PDGFRA: variants seen among roughly 807,000 people sequenced by gnomAD.
PDGFRA encodes the protein platelet derived growth factor receptor alpha, also known as platelet-derived growth factor receptor alpha.
In PDGFRA, 25 loss-of-function variants were observed where a neutral mutation model predicts 121.5. The observed-to-expected ratio is 0.21, with a 90% confidence interval of 0.15 to 0.29. PDGFRA has a LOEUF of 0.29. PDGFRA is among the 10% of genes least tolerant of loss of function. PDGFRA has a pLI of 1.00. For missense variants in PDGFRA, 1,008 were observed against 1,345.1 expected, an observed-to-expected ratio of 0.75 and a Z score of 3.92; for synonymous variants, 463 against 494.8, an observed-to-expected ratio of 0.94 and a Z score of 0.85.
At chr4:54,233,692 A>C (rs1187564572) in intron 1 of PDGFRA, among the ~76,000 whole-genome samples, 1 of 142,156 alleles carries the variant, frequency 7.0e-6, no homozygotes, top group Non-Finnish European at 1.5e-5. Context: ...GTTTGGATTG[A>C]GAATGGGACG....
chr4:54,249,395 C>G (rs1044142941), intron 1 of PDGFRA, among the ~76,000 whole-genome samples: 1 of 152,110 alleles, frequency 6.6e-6, no homozygotes, highest in African/African-American at 2.4e-5. Context: ...AAATATCCAA[C>G]GATGATAGAC....
rs1404086867 is a variant in PDGFRA at position 54,267,691 on chromosome 4, T to A, written c.1071T>A (p.Ile357=). The A allele has an allele frequency of 6.2e-7, 1 of 1,613,946 alleles. No homozygotes were observed. The highest frequency in any genetic ancestry group is 8.5e-7 in the Non-Finnish European group (1 of 1,180,000). The change falls in exon 7 of 23, where the codon ATT becomes ATA. Residue 357 remains isoleucine, a synonymous_variant. Coordinates refer to ENST00000257290, the MANE Select transcript of PDGFRA (RefSeq NM_006206.6). ...GGCTGAAAAACAATCTGACTCTGAT[T>A]GAAAATCTCACTGAGATCACCACTG... ...ISWLKNNLTL[I]ENLTEITTDV... is the part of the protein sequence containing the mutation.
At chr4:54,246,480 C>T (rs1277993827) in intron 1 of PDGFRA, among the ~76,000 whole-genome samples, 8 of 152,110 alleles carry the variant, frequency 5.3e-5, no homozygotes, top group South Asian at 2.1e-4. Flanking sequence ...GGGTACATAA[C>T]GAAATGAAGG....
chr4:54,271,405 A>G (rs1182364615), intron 8 of PDGFRA, among the ~76,000 whole-genome samples: 1 of 152,184 alleles, frequency 6.6e-6, no homozygotes, highest in Non-Finnish European at 1.5e-5. Flanking sequence ...AAACCTAATA[A>G]CATACCACAG....
chr4:54,244,065 G>C (rs537486045), intron 1 of PDGFRA, among the ~76,000 whole-genome samples: 18 of 152,352 alleles, frequency 1.2e-4, no homozygotes, highest in African/African-American at 4.3e-4. Context: ...CGGCTGGGAA[G>C]CTCGAACAGG....
intron 1 of PDGFRA, among the ~76,000 whole-genome samples, chr4:54,255,068 A>C (rs1722285197): frequency 6.6e-6 from 1 of 152,130 alleles, no homozygotes; most frequent in Non-Finnish European, 1.5e-5. Flanking sequence ...CAGCTTTTGC[A>C]TCACACAGGC....
At chr4:54,294,145 TA>T (rs1724765934) in intron 22 of PDGFRA, among the ~76,000 whole-genome samples, 1 of 152,128 alleles carries the variant, frequency 6.6e-6, no homozygotes, top group Non-Finnish European at 1.5e-5. Flanking sequence ...TTCGGTTTTT[TA>T]TTATGCTTTG....
At position 54,272,659 on chromosome 4, in the gene PDGFRA, A is replaced by G. The variant is rs1389439144; in HGVS notation, c.1364+139A>G. 4 of 904,726 alleles carry G rather than the reference A, an allele frequency of 4.4e-6. No homozygotes were observed. In the African/African-American group the frequency reaches 4.9e-5, roughly 11 times the overall value. 56.0% of individuals were successfully genotyped at this position (904,726 alleles called of 1,614,324 possible). ...AGCTTCAGGGTGTGTATCTTTTGTC[A>G]TGAATAGCTGTGAGAAGAAGGTCCA... On this transcript the variant is annotated intron_variant, in intron 9 of 22. Transcript: ENST00000257290.
chr4:54,291,569 C>T (rs1041604778), intron 22 of PDGFRA, among the ~76,000 whole-genome samples: 2 of 152,052 alleles, frequency 1.3e-5, no homozygotes, highest in African/African-American at 2.4e-5. Context: ...AAATCAGAAC[C>T]GTGATGAGAT....
Position 54,267,325 on chromosome 4 carries a change from G to A in PDGFRA, c.796G>A (p.Val266Ile), listed in dbSNP as rs1723082812. ...KGITMLEEIK[V>I]PSIKLVYTLT... ...CATCACAATGCTGGAAGAAATCAAA[G>A]TCCCATCCATCAAATTGGTGTACAC... Residue 266 changes from valine to isoleucine, a missense_variant, in exon 6 of 23, where the codon GTC becomes ATC. Coordinates refer to ENST00000257290, the MANE Select transcript of PDGFRA (RefSeq NM_006206.6). 6.2e-7 allele frequency: 1 copy of A among 1,614,164 alleles called. No homozygotes were observed. The highest frequency in any genetic ancestry group is 8.5e-7 in the Non-Finnish European group (1 of 1,180,022).
At chr4:54,255,343 A>G (rs1346933195) in intron 1 of PDGFRA, among the ~76,000 whole-genome samples, 1 of 152,122 alleles carries the variant, frequency 6.6e-6, no homozygotes, top group Non-Finnish European at 1.5e-5. Flanking sequence ...GTGGCATTCA[A>G]TAAAGCAGAA....
rs779673032 is a variant in PDGFRA, at chr4:54,261,282, C to G, written c.237C>G (p.Gly79=). The G allele has an allele frequency of 1.9e-6, 3 of 1,614,136 alleles. No individual in the cohort carries two copies. In the East Asian group the frequency reaches 6.7e-5, roughly 36 times the overall value. The change falls in exon 3 of 23, where the codon GGC becomes GGG. Residue 79 remains glycine (G), a synonymous_variant. Coordinates refer to ENST00000257290, the MANE Select transcript of PDGFRA (RefSeq NM_006206.6). ...TCAGAAATGAAGAAAACAACAGCGG[C>G]CTTTTTGTGACGGTCTTGGAAGTGA... ...VEIRNEENNS[G]LFVTVLEVSS...
chr4:54,280,715 A>C (rs1274296751), intron 16 of PDGFRA: 8 of 367,644 alleles, frequency 2.2e-5, no homozygotes, highest in African/African-American at 1.2e-4. Context: ...TAAATTTAAT[A>C]GTTTTAAAGA....
chr4:54,230,104 G>A (rs1720579497), intron 1 of PDGFRA, among the ~76,000 whole-genome samples: 1 of 152,124 alleles, frequency 6.6e-6, no homozygotes, highest in Non-Finnish European at 1.5e-5. Context: ...TGCTCTGGGA[G>A]AGAGTCGGGG....
Position 54,267,423 on chromosome 4 carries a change from G to C in PDGFRA, c.894G>C (p.Glu298Asp), listed in dbSNP as rs1253098644. The change falls in exon 6 of 23, where the codon GAG (glutamate) becomes GAC (aspartate). Residue 298 changes from glutamate to aspartate, a missense_variant. Glu to Asp is a conservative substitution (Grantham distance 45). Coordinates refer to ENST00000257290, the MANE Select transcript of PDGFRA (RefSeq NM_006206.6). Reference protein sequence around the residue: ...YECAARQATREVKEMKKVTIS... With the variant: ...YECAARQATRDVKEMKKVTIS... ...GTGCTGCCCGCCAGGCTACCAGGGA[G>C]GTCAAAGAAATGAAGAAAGTCACTA... 1 of 1,614,186 alleles carries C rather than the reference G, an allele frequency of 6.2e-7. No homozygotes were observed. The highest frequency in any genetic ancestry group is 1.3e-5 in the African/African-American group (1 of 75,052).
intron 19 of PDGFRA, among the ~76,000 whole-genome samples, chr4:54,288,034 G>A (rs182512515): frequency 3.9e-5 from 6 of 152,104 alleles, no homozygotes; most frequent in South Asian, 4.2e-4. Flanking sequence ...TGGGCTATCC[G>A]GTGAGGTCCC....
At chr4:54,277,856 T>C (rs2110310427) in intron 13 of PDGFRA, 40 bp from the exon 14 acceptor site, 1 of 1,306,412 alleles carries the variant, frequency 7.7e-7, no homozygotes, top group Non-Finnish European at 1.1e-6. Flanking sequence ...AGGAAGTTGG[T>C]AGCTCAGCTG....
intron 15 of PDGFRA, 80 bp from the exon 16 acceptor site, chr4:54,280,236 A>ATATTGTAGGTCCCC: frequency 3.2e-6 from 1 of 316,014 alleles, no homozygotes; most frequent in Non-Finnish European, 5.2e-6. Flanking sequence ...AGTACCTGGC[A>ATATTGTAGGTCCCC]CATAATCATC....
chr4:54,260,803 G>C (rs1444139537), intron 2 of PDGFRA, among the ~76,000 whole-genome samples: 1 of 152,010 alleles, frequency 6.6e-6, no homozygotes, highest in Non-Finnish European at 1.5e-5. Context: ...GATATTTTAT[G>C]GTTACACATA....
Sources: gnomAD v4.1 joint callset for allele counts (sites outside exome capture counted in the v4.1 genomes callset) on GRCh38, gnomAD v4.1.1 for gene constraint, MANE v1.5 for transcripts, NCBI Gene and HGNC (gene_info 2026-07-23, HGNC 2026-07-21) for gene names.